The following CNOT4 variants were observed in gnomAD, a reference collection of about 807,000 sequenced individuals.
CNOT4 encodes the protein CCR4-NOT transcription complex subunit 4, also known as CCR4-associated factor 4.
Under a neutral mutation model 73.8 loss-of-function variants are expected in CNOT4, and 8 were observed. That is an observed-to-expected ratio of 0.11 (90% confidence interval 0.06 to 0.20). The LOEUF is 0.20. Ranked by LOEUF, CNOT4 falls within the 10% of genes least tolerant of loss-of-function variation. The probability of loss-of-function intolerance (pLI) is 1.00; values close to 1 mark genes in which losing one functional copy is unlikely to be tolerated. For synonymous variants in CNOT4, 293 were observed against 321.1 expected (o/e 0.91, Z 0.94); for missense variants, 564 against 883.4 (o/e 0.64, Z 4.58).
At chr7:135,404,414 T>C (rs1487219800) in intron 7 of CNOT4, among the ~76,000 whole-genome samples, 1 of 152,138 alleles carries the variant, frequency 6.6e-6, no homozygotes, top group Non-Finnish European at 1.5e-5. Context: ...CACCAATATT[T>C]AATTGATAAC....
At chr7:135,448,778 A>C (rs745315626) in intron 1 of CNOT4, among the ~76,000 whole-genome samples, 5 of 152,216 alleles carry the variant, frequency 3.3e-5, no homozygotes, top group Non-Finnish European at 7.3e-5. Context: ...AAAAAGAACC[A>C]AATGGAAATT....
Position 135,362,728 on chromosome 7 carries a change from T to G in CNOT4, c.*157A>C, listed in dbSNP as rs564078161. On this transcript the variant is annotated 3_prime_UTR_variant, in exon 12 of 12. Coordinates refer to ENST00000541284, the MANE Select transcript of CNOT4 (RefSeq NM_001190850.2). The stretch of plus-strand genomic sequence containing the variant: ...TAATAAAGAGATGGTAATGACCCTG[T>G]GATCGCATTGCATCTGGGGTTAGGG... 1 of 790,662 alleles carries G rather than the reference T, an allele frequency of 1.3e-6. No homozygotes were observed. The highest frequency in any genetic ancestry group is 2.4e-5 in the East Asian group (1 of 41,308). 49.0% of individuals were successfully genotyped at this position (790,662 alleles called of 1,614,324 possible).
intron 1 of CNOT4, among the ~76,000 whole-genome samples, chr7:135,444,274 T>A (rs1048345309): frequency 2.6e-5 from 4 of 152,178 alleles, no homozygotes; most frequent in Non-Finnish European, 5.9e-5. Flanking sequence ...CCTAGGTGTA[T>A]ATTCAAAGAA....
chr7:135,434,588 G>A (rs1403964230), intron 2 of CNOT4, among the ~76,000 whole-genome samples: 1 of 152,120 alleles, frequency 6.6e-6, no homozygotes, highest in Non-Finnish European at 1.5e-5. Flanking sequence ...CTTATCCTTA[G>A]ACAATCTTTC....
intron 1 of CNOT4, among the ~76,000 whole-genome samples, chr7:135,482,923 T>C (rs1177966340): frequency 7.1e-6 from 1 of 140,056 alleles, no homozygotes; most frequent in Non-Finnish European, 1.5e-5. Flanking sequence ...GAAGTGGAGG[T>C]TGCAGTGAGC....
At chr7:135,434,575 G>T (rs1041071570) in intron 2 of CNOT4, among the ~76,000 whole-genome samples, 6 of 152,126 alleles carry the variant, frequency 3.9e-5, no homozygotes, top group African/African-American at 9.7e-5. Flanking sequence ...GAAAGTTTTG[G>T]TGCTTATCCT....
At chr7:135,415,644 A>T (rs1299228975) in intron 3 of CNOT4, among the ~76,000 whole-genome samples, 1 of 152,152 alleles carries the variant, frequency 6.6e-6, no homozygotes, top group East Asian at 1.9e-4. Context: ...TTCTTCAAAA[A>T]CAATGACCAA....
At chr7:135,432,025 A>T (rs927001941) in intron 2 of CNOT4, among the ~76,000 whole-genome samples, 26 of 152,246 alleles carry the variant, frequency 1.7e-4, no homozygotes, top group Non-Finnish European at 2.9e-5. Flanking sequence ...ATTTATGTGC[A>T]AATGCTAAAT....
chr7:135,368,821 A>T (rs1383515104), intron 10 of CNOT4, among the ~76,000 whole-genome samples: 1 of 152,262 alleles, frequency 6.6e-6, no homozygotes, highest in East Asian at 1.9e-4. Context: ...TTCAGAATGA[A>T]TTCTGACATC....
intron 1 of CNOT4, among the ~76,000 whole-genome samples, chr7:135,495,746 GAAAGAA>G (rs1803517107): frequency 3.0e-5 from 3 of 99,778 alleles, no homozygotes; most frequent in Non-Finnish European, 4.6e-5. Flanking sequence ...AAGAAAGAAA[GAAAGAA>G]AGAAAGAAAG....
intron 2 of CNOT4, among the ~76,000 whole-genome samples, chr7:135,423,034 C>T (rs944701763): frequency 2.6e-5 from 4 of 152,144 alleles, no homozygotes; most frequent in Non-Finnish European, 5.9e-5. Context: ...CTACCTCAGT[C>T]GTCTCATCTG....
intron 1 of CNOT4, among the ~76,000 whole-genome samples, chr7:135,476,402 C>A (rs1443773506): frequency 6.6e-6 from 1 of 152,148 alleles, no homozygotes; most frequent in Non-Finnish European, 1.5e-5. Flanking sequence ...TTTTACGTCC[C>A]TGTCTTATTT....
chr7:135,459,408 G>A (rs1026913949), intron 1 of CNOT4, among the ~76,000 whole-genome samples: 7 of 152,172 alleles, frequency 4.6e-5, no homozygotes, highest in East Asian at 1.9e-4. Context: ...ACAATTGATC[G>A]TTAAGTCTAA....
intron 10 of CNOT4, among the ~76,000 whole-genome samples, chr7:135,372,556 T>A (rs1429148448): frequency 3.3e-5 from 2 of 59,806 alleles, no homozygotes; most frequent in Non-Finnish European, 7.9e-5. Context: ...TGCTACCATG[T>A]TTTTTTTTTT....
At position 135,474,276 on chromosome 7, in the gene CNOT4, A is replaced by ATTTT. The variant is rs869203152; in HGVS notation, c.-93+35609_-93+35612dup. ...TACAGGCATGAGCCACTGTGCCCAAATTTTTTTTTTTTTTTTTTTTTTTTT... is the reference window on the plus strand; with the variant it reads ...TACAGGCATGAGCCACTGTGCCCAAATTTTTTTTTTTTTTTTTTTTTTTTTTTTT... On this transcript the variant is annotated intron_variant, in intron 1 of 11. Transcript: ENST00000541284. Among the ~76,000 whole-genome samples, 22 of 87,998 alleles carry ATTTT rather than the reference A, an allele frequency of 2.5e-4. 1 individual carries two copies. Among genetic ancestry groups the ATTTT allele is most frequent in the South Asian group, 3.7e-4 (1 of 2,686 alleles). 57.7% of individuals were successfully genotyped at this position (87,998 alleles called of 152,430 possible). A position where few individuals can be genotyped will look rare whatever the true frequency, so the allele number is the denominator to read the frequency against.
chr7:135,492,014 C>A (rs1016518558), intron 1 of CNOT4, among the ~76,000 whole-genome samples: 8 of 152,118 alleles, frequency 5.3e-5, no homozygotes, highest in Non-Finnish European at 7.3e-5. Flanking sequence ...GTAGTCAATA[C>A]ATACATGTGG....
chr7:135,417,574 A>G (rs375539998), intron 3 of CNOT4, among the ~76,000 whole-genome samples: 11 of 152,320 alleles, frequency 7.2e-5, no homozygotes, highest in South Asian at 6.2e-4. Flanking sequence ...TAACACCTTT[A>G]TAACAACATG....
Position 135,410,502 on chromosome 7 carries a change from T to C in CNOT4, c.821+13A>G, listed in dbSNP as rs766416773. ...AGAAGGTAAGATGTCTGACTATCAA[T>C]ATCAATACTTACGTATCGTACCTCT... On this transcript the variant is annotated intron_variant, in intron 7 of 11. Coordinates refer to ENST00000541284, the MANE Select transcript of CNOT4 (RefSeq NM_001190850.2). 2.7e-6 allele frequency: 4 copies of C among 1,469,700 alleles called. No homozygotes were observed. The highest frequency in any genetic ancestry group is 1.4e-5 in the South Asian group (1 of 69,786). 91.0% of individuals were successfully genotyped at this position (1,469,700 alleles called of 1,614,324 possible).
chr7:135,408,059 G>A (rs576349070), intron 7 of CNOT4, among the ~76,000 whole-genome samples: 5 of 152,092 alleles, frequency 3.3e-5, no homozygotes, highest in African/African-American at 1.2e-4. Context: ...AAATTGGCAA[G>A]TATGCAGAAG....
Sources: allele counts gnomAD v4.1 joint callset (sites outside exome capture counted in the v4.1 genomes callset), GRCh38; gene constraint gnomAD v4.1.1; transcripts MANE v1.5; gene names NCBI Gene and HGNC (gene_info 2026-07-23, HGNC 2026-07-21).